The following ODF1 variants were observed in gnomAD, a reference collection of about 807,000 sequenced individuals.
ODF1 encodes the protein outer dense fiber protein 1.
A neutral mutation model predicts 24.0 loss-of-function variants in ODF1; 10 were observed. The observed-to-expected ratio is 0.42, with a 90% CI of 0.26 to 0.71. ODF1 has a LOEUF of 0.71. Among genes scored for constraint, ODF1 ranks in the 30% least tolerant of loss-of-function variants. The pLI is 0.28. For synonymous variants in ODF1, 118 were observed against 121.3 expected, an observed-to-expected ratio of 0.97 and a Z score of 0.18; for missense variants, 282 against 307.9, an observed-to-expected ratio of 0.92 and a Z score of 0.63.
At chr8:102,553,685 C>T (rs141568324) in intron 1 of ODF1, among the ~76,000 whole-genome samples, 411 of 152,308 alleles carry the variant, frequency 2.7e-3, no homozygotes, top group Admixed American at 4.8e-3. Context: ...CCTGGCTTCT[C>T]TCCTATCCCC....
At chr8:102,555,441 G>A (rs1002333822) in intron 1 of ODF1, among the ~76,000 whole-genome samples, 3 of 152,126 alleles carry the variant, frequency 2.0e-5, no homozygotes, top group Admixed American at 1.3e-4. Context: ...TCCTGAGACC[G>A]TGTTTCTGTC....
intron 1 of ODF1, among the ~76,000 whole-genome samples, chr8:102,557,569 T>C (rs1587811843): frequency 6.6e-6 from 1 of 152,220 alleles, no homozygotes; most frequent in East Asian, 1.9e-4. Flanking sequence ...GGACCCAGGT[T>C]ACTTAGAGAT....
chr8:102,553,632 G>C (rs1012742757), intron 1 of ODF1, among the ~76,000 whole-genome samples: 2 of 152,072 alleles, frequency 1.3e-5, no homozygotes, highest in African/African-American at 4.8e-5. Context: ...CCTACTTTTG[G>C]ATACTTGAAT....
In ODF1 at chr8:102,560,838, G is replaced by C. The variant is rs772302927; in HGVS notation, c.707G>C (p.Cys236Ser). The change falls in exon 2 of 2, where the codon TGT becomes TCT. Residue 236 changes from cysteine (C) to serine (S), a missense_variant. Physicochemically the swap from Cys to Ser is moderately radical, Grantham distance 112. Transcript: ENST00000285402. ...PCSPYDPCNP[C>S]YPCGSRFSCR... ...AGCCCATATGATCCTTGCAACCCGTGTTATCCCTGTGGAAGCCGATTTTCC... is the reference window on the plus strand; with the variant it reads ...AGCCCATATGATCCTTGCAACCCGTCTTATCCCTGTGGAAGCCGATTTTCC... 3 of 1,613,560 alleles carry C rather than the reference G, an allele frequency of 1.9e-6. No individual in the cohort carries two copies. In the East Asian group the frequency reaches 6.7e-5, roughly 36 times the overall value.
chr8:102,560,472 G>A lies in ODF1; in HGVS notation c.341G>A (p.Arg114Lys), dbSNP rs560710771. The change falls in exon 2 of 2, where the codon AGA (arginine) becomes AAA (lysine). Residue 114 changes from arginine (R) to lysine (K), a missense_variant. By Grantham distance (26) the Arg-to-Lys change is conservative. Coordinates refer to ENST00000285402, the MANE Select transcript of ODF1 (RefSeq NM_024410.4). ...TCCAGACTGAGAAGAACAACAAATA[G>A]AATTCTGGCTTCCTCCTGCTGTAGC... is the stretch of plus-strand genomic sequence containing the variant. The part of the protein sequence containing the change: ...ELAKLRRTTN[R>K]ILASSCCSSN... 1 of 1,613,658 alleles carries A rather than the reference G, an allele frequency of 6.2e-7. No individual in the cohort carries two copies. Among genetic ancestry groups the A allele is most frequent in the East Asian group, 2.2e-5 (1 of 44,874 alleles).
At chr8:102,559,861 A>G (rs1001175656) in intron 1 of ODF1, among the ~76,000 whole-genome samples, 3 of 151,624 alleles carry the variant, frequency 2.0e-5, no homozygotes, top group African/African-American at 7.3e-5. Context: ...AGCCATCTCT[A>G]AAATGCAGAT....
In ODF1 at chr8:102,560,401, G is replaced by A. The variant is rs372760459; in HGVS notation, c.321-51G>A. 47 of 1,536,490 alleles carry A rather than the reference G, an allele frequency of 3.1e-5. 2 individuals are homozygous for A. The highest frequency in any genetic ancestry group is 1.7e-4 in the South Asian group (15 of 85,740). On this transcript the variant is annotated intron_variant, in intron 1 of 1. Coordinates refer to ENST00000285402, the MANE Select transcript of ODF1 (RefSeq NM_024410.4). ...AAATATTGCTTCTCAAGCTGTGTCT[G>A]GATTCTGAGGTCTGAGCTCCCTCCC...
intron 1 of ODF1, among the ~76,000 whole-genome samples, chr8:102,552,828 A>T (rs540490302): frequency 6.6e-6 from 1 of 152,280 alleles, no homozygotes; most frequent in South Asian, 2.1e-4. Context: ...TTGATGAAAA[A>T]GATGGTTGAA....
chr8:102,554,456 A>C (rs1434280), intron 1 of ODF1, among the ~76,000 whole-genome samples: 90,455 of 151,994 alleles, frequency 0.6, 27,678 homozygotes, highest in Middle Eastern at 0.73. Context: ...TAAAGACTCT[A>C]TAGTCTATAG....
At chr8:102,559,680 C>T (rs1455878323) in intron 1 of ODF1, among the ~76,000 whole-genome samples, 3 of 151,516 alleles carry the variant, frequency 2.0e-5, no homozygotes, top group Admixed American at 1.3e-4. Context: ...ACTTCCCAGC[C>T]TGGAGGAGCC....
intron 1 of ODF1, among the ~76,000 whole-genome samples, chr8:102,556,517 G>A (rs537922207): frequency 1.9e-3 from 284 of 151,410 alleles, no homozygotes; most frequent in Non-Finnish European, 2.7e-3. Context: ...GTGTGATCTC[G>A]GCTCACTGCA....
rs1414654938 is a variant in ODF1, at chr8:102,560,572, G to C, written c.441G>C (p.Lys147Asn). ...DQVKVRVKDG[K>N]VCVSAERENR... is the part of the protein sequence containing the mutation. ...TCAAAGTTCGAGTGAAGGATGGAAAGGTATGTGTGTCGGCTGAGCGGGAGA... is the reference window on the plus strand; with the variant it reads ...TCAAAGTTCGAGTGAAGGATGGAAACGTATGTGTGTCGGCTGAGCGGGAGA... Residue 147 changes from lysine (K) to asparagine (N), a missense_variant, in exon 2 of 2, where the codon AAG (lysine) becomes AAC (asparagine). Transcript: ENST00000285402. 2 of 1,614,108 alleles carry C rather than the reference G, an allele frequency of 1.2e-6. No individual in the cohort carries two copies. The highest frequency in any genetic ancestry group is 2.2e-5 in the East Asian group (1 of 44,900).
rs574256122 is a variant in ODF1 at position 102,560,686 on chromosome 8, T to A, written c.555T>A (p.Asp185Glu). 3 of 1,614,078 alleles carry A rather than the reference T, an allele frequency of 1.9e-6. No individual in the cohort carries two copies. Among genetic ancestry groups the A allele is most frequent in the Non-Finnish European group, 2.5e-6 (3 of 1,180,014 alleles). ...TGCCGCCCTGTGTGGATGAGAAGGA[T>A]GTAACATACTCCTATGGGCTCGGCA... is the stretch of plus-strand genomic sequence containing the variant. Reference protein sequence around the residue: ...FSLPPCVDEKDVTYSYGLGSC... With the variant: ...FSLPPCVDEKEVTYSYGLGSC... The change falls in exon 2 of 2, where the codon GAT (aspartate) becomes GAA (glutamate). Residue 185 changes from aspartate to glutamate, a missense_variant. Coordinates refer to ENST00000285402, the MANE Select transcript of ODF1 (RefSeq NM_024410.4).
chr8:102,559,023 T>G (rs1826146815), intron 1 of ODF1, among the ~76,000 whole-genome samples: 1 of 149,140 alleles, frequency 6.7e-6, no homozygotes, highest in Non-Finnish European at 1.5e-5. Context: ...GCCTTTAACA[T>G]GCTTAGCACC....
In ODF1 at chr8:102,560,787, ACCCCTGCAG is replaced by A. The variant is rs759473687; in HGVS notation, c.665_673del (p.Ser222_Cys224del). On this transcript the variant is annotated inframe_deletion, in exon 2 of 2. Transcript: ENST00000285402. ...CCCTGCAGCCCCTGCAGCCCCTGCA[ACCCCTGCAG>A]CCCCTGCAACCCGTGCAGCCCATAT... The A allele has an allele frequency of 5.6e-6, 5 of 889,406 alleles. No individual in the cohort carries two copies. The highest frequency in any genetic ancestry group is 4.4e-5 in the East Asian group (1 of 22,780). The allele number at this position is 889,406 out of a possible 1,614,324, so 55.1% of individuals were successfully genotyped here. A position where few individuals can be genotyped will look rare whatever the true frequency, so the allele number is the denominator to read the frequency against.
Position 102,551,846 on chromosome 8 carries a change from A to G in ODF1, c.119A>G (p.Tyr40Cys), listed in dbSNP as rs530595332. 83 of 1,614,150 alleles carry G rather than the reference A, an allele frequency of 5.1e-5. 1 individual carries two copies. In the South Asian group the frequency reaches 9.0e-4, roughly 18 times the overall value. Reference protein sequence around the residue: ...EFSTRCLCDLYMHPYCCCDLH... With the variant: ...EFSTRCLCDLCMHPYCCCDLH... ...AGCACACGGTGCCTGTGCGACTTGT[A>G]TATGCACCCCTATTGCTGCTGTGAC... The change falls in exon 1 of 2, where the codon TAT (tyrosine) becomes TGT (cysteine). Residue 40 changes from tyrosine (Y) to cysteine (C), a missense_variant. Transcript: ENST00000285402.
chr8:102,551,692 C>T lies in ODF1; in HGVS notation c.-36C>T. ...AAATTTTTTCCCGGAGTGCCATTTC[C>T]CAAAGGTACTCACAGAACAATCAGG... On this transcript the variant is annotated 5_prime_UTR_variant, in exon 1 of 2. Coordinates refer to ENST00000285402, the MANE Select transcript of ODF1 (RefSeq NM_024410.4). 1 of 1,509,194 alleles carries T rather than the reference C, an allele frequency of 6.6e-7. No individual in the cohort carries two copies. The highest frequency in any genetic ancestry group is 8.9e-7 in the Non-Finnish European group (1 of 1,122,816). 93.5% of individuals were successfully genotyped at this position (1,509,194 alleles called of 1,614,324 possible).
At chr8:102,553,481 A>G (rs920364330) in intron 1 of ODF1, among the ~76,000 whole-genome samples, 4 of 151,872 alleles carry the variant, frequency 2.6e-5, no homozygotes, top group Non-Finnish European at 5.9e-5. Flanking sequence ...AAATTCATCT[A>G]TACTCTTTGA....
chr8:102,560,556 G>A lies in ODF1; in HGVS notation c.425G>A (p.Arg142Gln), dbSNP rs780858116. The change falls in exon 2 of 2, where the codon CGA becomes CAA. Residue 142 changes from arginine to glutamine, a missense_variant. Physicochemically the swap from Arg to Gln is conservative, Grantham distance 43 (BLOSUM62 1). Transcript: ENST00000285402. ...TTTGAACCCGATCAAGTCAAAGTTC[G>A]AGTGAAGGATGGAAAGGTATGTGTG... ...CGFEPDQVKV[R>Q]VKDGKVCVSA... The A allele has an allele frequency of 5.0e-6, 8 of 1,614,064 alleles. No individual in the cohort carries two copies. The Admixed American group carries it at 5.0e-5, about 10-fold the overall frequency.
Sources: allele counts gnomAD v4.1 joint callset (sites outside exome capture counted in the v4.1 genomes callset), GRCh38; gene constraint gnomAD v4.1.1; transcripts MANE v1.5; gene names NCBI Gene and HGNC (gene_info 2026-07-23, HGNC 2026-07-21).